Variants in EBF3 observed in about 807,000 individuals in gnomAD.
The protein encoded by EBF3 is EBF transcription factor 3, also known as transcription factor COE3.
In EBF3, 18 loss-of-function variants were observed where a neutral mutation model predicts 77.1. That is an observed-to-expected ratio of 0.23 (90% CI 0.16 to 0.35). The LOEUF (loss-of-function observed/expected upper bound fraction) is 0.35, where lower values mean the gene tolerates loss of function less well. EBF3 is among the 10% of genes least tolerant of loss of function. The pLI is 1.00. For missense variants in EBF3, 558 were observed against 860.0 expected (o/e 0.65, Z 4.39); for synonymous variants, 350 against 343.5 (o/e 1.02, Z -0.21).
In EBF3 at chr10:129,954,057, T is replaced by A. The variant is rs1227069643; in HGVS notation, c.554+3201A>T. Reference sequence around the variant, plus strand: ...GAGGAAAATGATACTCCCATCCTTTTCAGCAATACCATTAAAAATCATTTG... The same window carrying A: ...GAGGAAAATGATACTCCCATCCTTTACAGCAATACCATTAAAAATCATTTG... On this transcript the variant is annotated intron_variant, in intron 6 of 16. Transcript: ENST00000440978. Among the ~76,000 whole-genome samples, 3 of 152,212 alleles carry A rather than the reference T, an allele frequency of 2.0e-5. No individual in the cohort carries two copies. In the East Asian group the frequency reaches 5.8e-4, roughly 29 times the overall value.
intron 6 of EBF3, among the ~76,000 whole-genome samples, chr10:129,887,006 G>A (rs1237073654): frequency 6.9e-6 from 1 of 145,800 alleles, no homozygotes; most frequent in Admixed American, 6.9e-5. Flanking sequence ...ACATGGAGAT[G>A]TCAGGGTAAG....
At chr10:129,951,805 G>C (rs1245178940) in intron 6 of EBF3, among the ~76,000 whole-genome samples, 2 of 152,270 alleles carry the variant, frequency 1.3e-5, no homozygotes, top group Non-Finnish European at 2.9e-5. Context: ...AACCTACAAA[G>C]TGGGCACTGT....
Position 129,867,738 on chromosome 10 carries a change from T to C in EBF3, c.912+44A>G, listed in dbSNP as rs769507383. ...ATTGACAGCTTGTCAAATCCATTCA[T>C]GAAGACAGCAACAGCGCGAAGCTGA... On this transcript the variant is annotated intron_variant, in intron 9 of 16. Transcript: ENST00000440978. 9 of 1,608,418 alleles carry C rather than the reference T, an allele frequency of 5.6e-6. No homozygotes were observed. The Admixed American group carries it at 1.5e-4, about 27-fold the overall frequency.
At chr10:129,939,163 G>T (rs1857557558) in intron 6 of EBF3, among the ~76,000 whole-genome samples, 1 of 152,190 alleles carries the variant, frequency 6.6e-6, no homozygotes, top group South Asian at 2.1e-4. Context: ...TCTAAGACCT[G>T]CCTGGAGAGC....
Position 129,863,307 on chromosome 10 carries a change from C to T in EBF3, c.1039+3834G>A, listed in dbSNP as rs554813320. 3.3e-5 allele frequency among the ~76,000 whole-genome samples: 5 copies of T among 152,296 alleles called. No individual in the cohort carries two copies. The highest frequency in any genetic ancestry group is 4.8e-5 in the African/African-American group (2 of 41,572). On this transcript the variant is annotated intron_variant, in intron 10 of 16. Transcript: ENST00000440978. This position sits in a 1 kb window ranked among gnomAD's most constrained non-coding sequence, Gnocchi z 4.0. ...AATTCACCGTGCTAATCAACTGAAC[C>T]GCCACAGCCTCCCAAGGTAATTGTG...
rs755133977 is a variant in EBF3, at chr10:129,935,691, A to C, written c.554+21567T>G. ...ACAGCTCTCAGCCACCATTCCTCCT[A>C]CGTCAGCACTGGGGAGTCCAGAGGC... On this transcript the variant is annotated intron_variant, in intron 6 of 16. Coordinates refer to ENST00000440978, the MANE Select transcript of EBF3 (RefSeq NM_001375380.1). The surrounding 1 kb of genome is among the most constrained non-coding windows in gnomAD (Gnocchi z 4.2). 6.6e-6 allele frequency among the ~76,000 whole-genome samples: 1 copy of C among 152,266 alleles called. No individual in the cohort carries two copies. The highest frequency in any genetic ancestry group is 2.1e-4 in the South Asian group (1 of 4,822).
At chr10:129,866,503 A>T (rs1037330316) in intron 10 of EBF3, among the ~76,000 whole-genome samples, 2 of 152,246 alleles carry the variant, frequency 1.3e-5, no homozygotes, top group African/African-American at 4.8e-5. Flanking sequence ...CATTGTATAG[A>T]ACAACTGTAA....
At chr10:129,916,418 C>G (rs368357666) in intron 6 of EBF3, among the ~76,000 whole-genome samples, 47 of 152,364 alleles carry the variant, frequency 3.1e-4, no homozygotes, top group African/African-American at 1.1e-3. Context: ...TTGACCAGCC[C>G]CTGATCTGCC....
intron 6 of EBF3, among the ~76,000 whole-genome samples, chr10:129,888,810 A>G (rs1467644147): frequency 6.6e-6 from 1 of 152,270 alleles, no homozygotes; most frequent in African/African-American, 2.4e-5. Flanking sequence ...AAACCAGCTA[A>G]TTATAAATTA....
intron 6 of EBF3, among the ~76,000 whole-genome samples, chr10:129,901,214 T>C (rs1463953633): frequency 2.0e-5 from 3 of 152,182 alleles, no homozygotes; most frequent in Non-Finnish European, 4.4e-5. Context: ...TCAGCTGACA[T>C]CTCCACATGA....
rs527676076 is a variant in EBF3, at chr10:129,918,733, G to T, written c.554+38525C>A. Among the ~76,000 whole-genome samples the T allele has an allele frequency of 6.6e-5, 10 of 152,348 alleles. No individual in the cohort carries two copies. The South Asian group carries it at 1.9e-3, about 28-fold the overall frequency. On this transcript the variant is annotated intron_variant, in intron 6 of 16. Coordinates refer to ENST00000440978, the MANE Select transcript of EBF3 (RefSeq NM_001375380.1). ...CCTACACATCTGTGTGCACATGCAG[G>T]TGTGATTTCATGTCTGTCCTTGCTG...
chr10:129,878,748 C>G (rs944872885), intron 6 of EBF3, among the ~76,000 whole-genome samples: 2 of 131,704 alleles, frequency 1.5e-5, no homozygotes, highest in African/African-American at 5.7e-5. Flanking sequence ...CACTTGAACC[C>G]AGGAGGTGGA....
At chr10:129,955,627 G>T (rs1487880391) in intron 6 of EBF3, among the ~76,000 whole-genome samples, 1 of 152,188 alleles carries the variant, frequency 6.6e-6, no homozygotes, top group Non-Finnish European at 1.5e-5. Flanking sequence ...AAGTTATTCA[G>T]CATCAATAGT....
intron 6 of EBF3, among the ~76,000 whole-genome samples, chr10:129,922,447 A>C (rs896935265): frequency 6.6e-6 from 1 of 152,232 alleles, no homozygotes; most frequent in Non-Finnish European, 1.5e-5. Flanking sequence ...GTTTGTGCAT[A>C]AATACAAACT....
intron 6 of EBF3, among the ~76,000 whole-genome samples, chr10:129,917,991 T>C (rs1249302220): frequency 2.0e-5 from 3 of 152,222 alleles, no homozygotes; most frequent in Non-Finnish European, 4.4e-5. Context: ...CCACTTGGTA[T>C]TGACTTCCTT....
chr10:129,914,978 T>C (rs911960714), intron 6 of EBF3, among the ~76,000 whole-genome samples: 18 of 152,192 alleles, frequency 1.2e-4, no homozygotes, highest in African/African-American at 4.1e-4. Context: ...GAACATGCTT[T>C]GCATGGCTGT....
At chr10:129,903,104 G>A (rs1020617531) in intron 6 of EBF3, among the ~76,000 whole-genome samples, 4 of 152,328 alleles carry the variant, frequency 2.6e-5, no homozygotes, top group South Asian at 2.1e-4. Flanking sequence ...TCATACACAC[G>A]TTTCACCTTT....
chr10:129,863,713 C>T lies in EBF3; in HGVS notation c.1039+3428G>A, dbSNP rs890012750. ...AGTTTTCAGCGGGGGAGTGCAATTC[C>T]CGGTGATTACCTCATTGTCCCCATC... On this transcript the variant is annotated intron_variant, in intron 10 of 16. Transcript: ENST00000440978. This position sits in a 1 kb window ranked among gnomAD's most constrained non-coding sequence, Gnocchi z 4.0. Among the ~76,000 whole-genome samples the T allele has an allele frequency of 1.3e-5, 2 of 152,196 alleles. No homozygotes were observed. The highest frequency in any genetic ancestry group is 4.8e-5 in the African/African-American group (2 of 41,452).
intron 6 of EBF3, among the ~76,000 whole-genome samples, chr10:129,908,249 C>T (rs1467055617): frequency 1.3e-5 from 2 of 152,076 alleles, no homozygotes; most frequent in Non-Finnish European, 2.9e-5. Flanking sequence ...CAAGAAATAG[C>T]GGGAGGATTT....
Sources: gnomAD v4.1 joint callset for allele counts (sites outside exome capture counted in the v4.1 genomes callset) on GRCh38, gnomAD v4.1.1 for gene constraint, Gnocchi (gnomAD v3.1) non-coding constraint, MANE v1.5 for transcripts, NCBI Gene and HGNC (gene_info 2026-07-23, HGNC 2026-07-21) for gene names.